DNM3: variants seen among roughly 807,000 people sequenced by gnomAD.
The protein encoded by DNM3 is dynamin-3.
In DNM3, 47 loss-of-function variants were observed where a neutral mutation model predicts 101.6. That is an observed-to-expected ratio of 0.46 (90% CI 0.37 to 0.59). The LOEUF (loss-of-function observed/expected upper bound fraction) is 0.59. Ranked by LOEUF, DNM3 falls within the 20% of genes least tolerant of loss-of-function variation. The pLI is 0.00. For synonymous variants in DNM3, 385 were observed against 387.9 expected (o/e 0.99, Z 0.09); for missense variants, 849 against 1,085.7 (o/e 0.78, Z 3.06).
intron 13 of DNM3, among the ~76,000 whole-genome samples, chr1:172,123,943 G>A (rs750791472): frequency 3.9e-4 from 59 of 152,182 alleles, no homozygotes; most frequent in Non-Finnish European, 5.7e-4. Context: ...TGGCTCCTAT[G>A]GGCATCCTCT....
chr1:172,408,028 G>A lies in DNM3; in HGVS notation c.*187G>A, dbSNP rs2071018095. 1.4e-6 allele frequency: 2 copies of A among 1,439,782 alleles called. No homozygotes were observed. The highest frequency in any genetic ancestry group is 1.8e-6 in the Non-Finnish European group (2 of 1,096,968). The allele number at this position is 1,439,782 out of a possible 1,614,324, so 89.2% of individuals were successfully genotyped here. Reference sequence around the variant, plus strand: ...TGTCAAACCTTTGGGGTTTGACTCAGAAACTGCTAACCTTTTAGAGGCTTT... The same window carrying A: ...TGTCAAACCTTTGGGGTTTGACTCAAAAACTGCTAACCTTTTAGAGGCTTT... On this transcript the variant is annotated 3_prime_UTR_variant, in exon 21 of 21. Coordinates refer to ENST00000627582, the MANE Select transcript of DNM3 (RefSeq NM_015569.5).
chr1:171,930,726 A>G (rs1168459385), intron 2 of DNM3, among the ~76,000 whole-genome samples: 3 of 152,004 alleles, frequency 2.0e-5, no homozygotes, highest in Non-Finnish European at 2.9e-5. Context: ...CCACGGGTCA[A>G]GTTGTTTCCT....
chr1:172,013,686 T>G (rs2047269633), intron 4 of DNM3, among the ~76,000 whole-genome samples: 1 of 151,804 alleles, frequency 6.6e-6, no homozygotes, highest in African/African-American at 2.4e-5. Context: ...GAAGGATAGG[T>G]AGGAGTTGAC....
chr1:172,185,478 A>C (rs761634087), intron 14 of DNM3, among the ~76,000 whole-genome samples: 1 of 152,098 alleles, frequency 6.6e-6, no homozygotes, highest in African/African-American at 2.4e-5. Context: ...GGTGGGGTGC[A>C]TTTGTAACAG....
intron 2 of DNM3, among the ~76,000 whole-genome samples, chr1:171,951,135 C>G (rs1057206766): frequency 3.3e-5 from 5 of 152,130 alleles, no homozygotes; most frequent in African/African-American, 1.2e-4. Flanking sequence ...CTCTATTTGC[C>G]TCATATTTGT....
At chr1:172,271,507 T>C (rs530914121) in intron 15 of DNM3, among the ~76,000 whole-genome samples, 13 of 152,260 alleles carry the variant, frequency 8.5e-5, no homozygotes, top group Admixed American at 2.6e-4. Context: ...CTGCTTCTGC[T>C]TTCAATCTGT....
intron 16 of DNM3, among the ~76,000 whole-genome samples, chr1:172,320,987 T>C (rs2065687444): frequency 6.6e-6 from 1 of 152,212 alleles, no homozygotes; most frequent in Non-Finnish European, 1.5e-5. Flanking sequence ...CGTGTATTTT[T>C]CTTAAGAGAT....
chr1:172,122,895 C>A (rs937136806), intron 13 of DNM3, among the ~76,000 whole-genome samples: 2 of 152,218 alleles, frequency 1.3e-5, no homozygotes, highest in South Asian at 4.2e-4. Flanking sequence ...CCTCACCTAT[C>A]GGGGAGGAAA....
At chr1:172,174,787 T>C (rs1351929866) in intron 14 of DNM3, among the ~76,000 whole-genome samples, 1 of 151,704 alleles carries the variant, frequency 6.6e-6, no homozygotes, top group African/African-American at 2.4e-5. Context: ...AGGATATTGC[T>C]GTTTCAGGTT....
chr1:172,096,323 G>C (rs574736412), intron 13 of DNM3, among the ~76,000 whole-genome samples: 1 of 152,250 alleles, frequency 6.6e-6, no homozygotes, highest in African/African-American at 2.4e-5. Flanking sequence ...ATTATAGTAA[G>C]GTTTTAAGCA....
intron 2 of DNM3, among the ~76,000 whole-genome samples, chr1:171,958,242 C>T (rs1378885152): frequency 6.6e-6 from 1 of 152,182 alleles, no homozygotes; most frequent in Non-Finnish European, 1.5e-5. Context: ...CCTCATGATT[C>T]AATGATCTCC....
intron 15 of DNM3, among the ~76,000 whole-genome samples, chr1:172,262,564 C>T (rs1299073471): frequency 6.6e-6 from 1 of 152,222 alleles, no homozygotes; most frequent in Non-Finnish European, 1.5e-5. Context: ...TCCAGACCCT[C>T]AGCTGATCCA....
intron 10 of DNM3, among the ~76,000 whole-genome samples, chr1:172,059,919 G>T (rs1313641003): frequency 7.8e-6 from 1 of 128,250 alleles, no homozygotes; most frequent in Non-Finnish European, 1.6e-5. Context: ...CCTGTTTGCA[G>T]ACGACATGAT....
chr1:172,322,840 C>T (rs1465273842), intron 16 of DNM3, among the ~76,000 whole-genome samples: 3 of 151,002 alleles, frequency 2.0e-5, no homozygotes, highest in Non-Finnish European at 4.4e-5. Flanking sequence ...TTTTTTCCAC[C>T]TTCTTTGAAA....
chr1:171,960,383 C>T (rs1384826823), intron 2 of DNM3, among the ~76,000 whole-genome samples: 4 of 152,132 alleles, frequency 2.6e-5, no homozygotes, highest in African/African-American at 4.8e-5. Flanking sequence ...ATAGCAGCCC[C>T]AGGAAACAAA....
intron 17 of DNM3, among the ~76,000 whole-genome samples, chr1:172,341,095 T>G (rs1240003696): frequency 5.3e-5 from 8 of 151,880 alleles, no homozygotes; most frequent in Admixed American, 4.6e-4. Context: ...ACCAACAACA[T>G]CCAAGCCAAG....
intron 14 of DNM3, among the ~76,000 whole-genome samples, chr1:172,154,823 T>G (rs1383407936): frequency 6.6e-6 from 1 of 152,070 alleles, no homozygotes; most frequent in Non-Finnish European, 1.5e-5. Flanking sequence ...GAAAGTCTCA[T>G]TCTAGTCTTT....
intron 14 of DNM3, among the ~76,000 whole-genome samples, chr1:172,232,690 C>T (rs1489241994): frequency 1.3e-5 from 2 of 152,232 alleles, no homozygotes; most frequent in Admixed American, 6.5e-5. Flanking sequence ...CAAACTGTCT[C>T]TCAGACCACA....
At chr1:171,968,740 G>A (rs896655623) in intron 2 of DNM3, among the ~76,000 whole-genome samples, 6 of 152,084 alleles carry the variant, frequency 3.9e-5, no homozygotes, top group South Asian at 2.1e-4. Flanking sequence ...TAGTTGGAGC[G>A]AAAGTCCAGT....
Sources: gnomAD v4.1 joint callset for allele counts (sites outside exome capture counted in the v4.1 genomes callset) on GRCh38, gnomAD v4.1.1 for gene constraint, MANE v1.5 for transcripts, NCBI Gene and HGNC (gene_info 2026-07-23, HGNC 2026-07-21) for gene names.